The following CAMKMT variants were observed in gnomAD, a reference collection of about 807,000 sequenced individuals.
The protein encoded by CAMKMT is calmodulin-lysine N-methyltransferase.
A neutral mutation model predicts 48.0 loss-of-function variants in CAMKMT; 53 were observed. The ratio of observed to expected loss-of-function variants is 1.10; its 90% confidence interval spans 0.89 to 1.39. CAMKMT has a LOEUF of 1.39. Among genes scored for constraint, CAMKMT ranks in the 40% most tolerant of loss-of-function variants. CAMKMT has a pLI of 0.00. For synonymous variants in CAMKMT, 165 were observed against 152.3 expected (o/e 1.08, Z -0.61); for missense variants, 428 against 402.7 (o/e 1.06, Z -0.54).
chr2:44,427,930 G>A (rs542161542), intron 3 of CAMKMT, among the ~76,000 whole-genome samples: 3 of 152,340 alleles, frequency 2.0e-5, no homozygotes, highest in African/African-American at 7.2e-5. Flanking sequence ...ATACAGGTGA[G>A]GGGGTGCAGT....
Position 44,576,124 on chromosome 2 carries a change from C to T in CAMKMT, c.377-128159C>T, listed in dbSNP as rs1010126364. Among the ~76,000 whole-genome samples, 6 of 151,898 alleles carry T rather than the reference C, an allele frequency of 4.0e-5. No individual in the cohort carries two copies. The East Asian group carries it at 5.8e-4, about 15-fold the overall frequency. On this transcript the variant is annotated intron_variant, in intron 3 of 10. Coordinates refer to ENST00000378494, the MANE Select transcript of CAMKMT (RefSeq NM_024766.5). ...GGCAGATCACCTGAGGTCAGGAGTT[C>T]GAGACCAGCCTGGCTAACATGGTGA...
chr2:44,692,943 A>G (rs773230583), intron 3 of CAMKMT, among the ~76,000 whole-genome samples: 2 of 152,208 alleles, frequency 1.3e-5, no homozygotes, highest in South Asian at 2.1e-4. Context: ...AAAATCCTAT[A>G]TGCGTCTGCT....
chr2:44,378,191 A>G (rs985833364), intron 2 of CAMKMT, among the ~76,000 whole-genome samples: 2 of 152,170 alleles, frequency 1.3e-5, no homozygotes, highest in African/African-American at 4.8e-5. Context: ...TCACATTTTT[A>G]TGGATCTTAA....
intron 3 of CAMKMT, among the ~76,000 whole-genome samples, chr2:44,642,556 C>A (rs964012441): frequency 1.3e-5 from 2 of 152,176 alleles, no homozygotes; most frequent in African/African-American, 4.8e-5. Flanking sequence ...GGAAGCATTC[C>A]TTCTGCTTCT....
At chr2:44,736,468 A>G (rs1207557128) in intron 7 of CAMKMT, among the ~76,000 whole-genome samples, 1 of 152,116 alleles carries the variant, frequency 6.6e-6, no homozygotes, top group Non-Finnish European at 1.5e-5. Context: ...ACTTTTAGGC[A>G]ATTCGATTAT....
Position 44,653,215 on chromosome 2 carries a change from TCTC to T in CAMKMT, c.377-51064_377-51062del, listed in dbSNP as rs1392221887. ...GTGAGCTCCTTTAAAGCAAGGGACATCTCCTCTGCTTTTAATATCCTCTTCAAC... is the reference window on the plus strand; with the variant it reads ...GTGAGCTCCTTTAAAGCAAGGGACATCTCTGCTTTTAATATCCTCTTCAAC... On this transcript the variant is annotated intron_variant, in intron 3 of 10. Coordinates refer to ENST00000378494, the MANE Select transcript of CAMKMT (RefSeq NM_024766.5). This position sits in a 1 kb window ranked among gnomAD's most constrained non-coding sequence, Gnocchi z 5.2. Among the ~76,000 whole-genome samples, 3 of 152,130 alleles carry T rather than the reference TCTC, an allele frequency of 2.0e-5. No individual in the cohort carries two copies. Among genetic ancestry groups the T allele is most frequent in the Non-Finnish European group, 2.9e-5 (2 of 68,010 alleles).
Position 44,365,874 on chromosome 2 carries a change from T to C in CAMKMT, c.138+3729T>C, listed in dbSNP as rs115997454. On this transcript the variant is annotated intron_variant, in intron 1 of 10. Transcript: ENST00000378494. ...ATGAATACTTGGCTGAAGAATCTGATTATGGAATATTTCACAGTTCAGTTT... is the reference window on the plus strand; with the variant it reads ...ATGAATACTTGGCTGAAGAATCTGACTATGGAATATTTCACAGTTCAGTTT... 6.1e-3 allele frequency among the ~76,000 whole-genome samples: 929 copies of C among 152,354 alleles called. 4 individuals are homozygous for C. The highest frequency in any genetic ancestry group is 0.011 in the Non-Finnish European group (749 of 68,036).
chr2:44,768,282 C>T (rs1230810108), intron 10 of CAMKMT, among the ~76,000 whole-genome samples: 1 of 149,226 alleles, frequency 6.7e-6, no homozygotes, highest in African/African-American at 2.5e-5. Flanking sequence ...GTGTAGAACC[C>T]TAGGAGAATA....
chr2:44,757,811 G>A (rs1467784798), intron 9 of CAMKMT, among the ~76,000 whole-genome samples: 1 of 152,046 alleles, frequency 6.6e-6, no homozygotes, highest in Non-Finnish European at 1.5e-5. Flanking sequence ...ATCCACCCCT[G>A]CCCCGACCCC....
chr2:44,574,674 A>G (rs1368572110), intron 3 of CAMKMT, among the ~76,000 whole-genome samples: 1 of 151,846 alleles, frequency 6.6e-6, no homozygotes, highest in Non-Finnish European at 1.5e-5. Context: ...TTATAGAGTA[A>G]TTTGATAATG....
chr2:44,557,197 C>T (rs1668060491), intron 3 of CAMKMT, among the ~76,000 whole-genome samples: 1 of 151,950 alleles, frequency 6.6e-6, no homozygotes, highest in South Asian at 2.1e-4. Flanking sequence ...TAACTGTGTC[C>T]TCTTTCTGCC....
intron 7 of CAMKMT, among the ~76,000 whole-genome samples, chr2:44,741,750 A>C (rs1038117253): frequency 5.3e-5 from 8 of 152,228 alleles, no homozygotes; most frequent in African/African-American, 1.9e-4. Context: ...GACTCATTAC[A>C]GCTGCTGTGG....
intron 3 of CAMKMT, among the ~76,000 whole-genome samples, chr2:44,647,792 C>CAGCT (rs1311777706): frequency 6.6e-6 from 1 of 151,044 alleles, no homozygotes; most frequent in Non-Finnish European, 1.5e-5. Context: ...CCTGTAGTCC[C>CAGCT]AGCTACTCAG....
intron 3 of CAMKMT, among the ~76,000 whole-genome samples, chr2:44,607,911 A>G (rs766175505): frequency 8.2e-4 from 124 of 152,106 alleles, no homozygotes; most frequent in Non-Finnish European, 1.5e-3. Flanking sequence ...CCATTACCCA[A>G]TATACCCATT....
chr2:44,473,457 A>G (rs1668527021), intron 3 of CAMKMT, among the ~76,000 whole-genome samples: 1 of 152,186 alleles, frequency 6.6e-6, no homozygotes, highest in South Asian at 2.1e-4. Flanking sequence ...AAACAGTGCT[A>G]TGTTTAGTAC....
At chr2:44,634,455 C>T (rs912070839) in intron 3 of CAMKMT, among the ~76,000 whole-genome samples, 2 of 152,014 alleles carry the variant, frequency 1.3e-5, no homozygotes, top group Admixed American at 6.6e-5. Context: ...TGGAGGTCAA[C>T]TCTAGTACCA....
At chr2:44,443,494 G>A (rs1455242888) in intron 3 of CAMKMT, among the ~76,000 whole-genome samples, 1 of 151,994 alleles carries the variant, frequency 6.6e-6, no homozygotes, top group Non-Finnish European at 1.5e-5. Context: ...CATTTTCTTG[G>A]GGGTGAAGTG....
chr2:44,477,358 G>T (rs545203041), intron 3 of CAMKMT, among the ~76,000 whole-genome samples: 4 of 152,186 alleles, frequency 2.6e-5, no homozygotes, highest in Admixed American at 1.3e-4. Flanking sequence ...ATTGGTTTCA[G>T]TACAATGATA....
intron 3 of CAMKMT, among the ~76,000 whole-genome samples, chr2:44,502,362 C>G (rs974687571): frequency 7.9e-5 from 12 of 152,216 alleles, no homozygotes; most frequent in Admixed American, 6.5e-4. Context: ...GTCTCTGTCA[C>G]TCCAGGTCTG....
Sources: gnomAD v4.1 joint callset for allele counts (sites outside exome capture counted in the v4.1 genomes callset) on GRCh38, gnomAD v4.1.1 for gene constraint, Gnocchi (gnomAD v3.1) non-coding constraint, MANE v1.5 for transcripts, NCBI Gene and HGNC (gene_info 2026-07-23, HGNC 2026-07-21) for gene names.